Variants in NUP210L observed in about 807,000 individuals in gnomAD.
NUP210L encodes nuclear pore membrane glycoprotein 210-like.
A neutral mutation model predicts 208.5 loss-of-function variants in NUP210L; 74 were observed. The observed-to-expected ratio is 0.35, with a 90% CI of 0.29 to 0.43. The LOEUF (loss-of-function observed/expected upper bound fraction) is 0.43, where lower values mean the gene tolerates loss of function less well. NUP210L is among the 20% of genes least tolerant of loss of function. The probability of loss-of-function intolerance (pLI) is 1.00; values close to 1 mark genes in which losing one functional copy is unlikely to be tolerated. For synonymous variants in NUP210L, 780 were observed against 816.9 expected (o/e 0.95, Z 0.77); for missense variants, 1,843 against 2,289.4 (o/e 0.81, Z 3.98).
chr1:154,060,600 G>A, exon 20 of NUP210L: 1 of 1,613,450 alleles, frequency 6.2e-7, no homozygotes, highest in South Asian at 1.1e-5. Flanking sequence ...CACTGCTGTT[G>A]ACTAAAAAAT....
intron 33 of NUP210L, among the ~76,000 whole-genome samples, chr1:154,014,107 T>C (rs1651113587): frequency 6.6e-6 from 1 of 152,154 alleles, no homozygotes; most frequent in Non-Finnish European, 1.5e-5. Flanking sequence ...TACATTCTCC[T>C]TAGTATTACC....
intron 35 of NUP210L, among the ~76,000 whole-genome samples, chr1:154,007,101 T>C (rs1003204162): frequency 1.3e-5 from 2 of 149,736 alleles, no homozygotes; most frequent in African/African-American, 2.5e-5. Flanking sequence ...TAGCTGGGAT[T>C]ACAGGCGCCC....
chr1:154,117,970 C>T, intron 11 of NUP210L, 90 bp from the exon 12 acceptor site: 1 of 872,962 alleles, frequency 1.1e-6, no homozygotes, highest in Admixed American at 2.3e-5. Context: ...ATAAAGTTTA[C>T]AAAATAGTAA....
chr1:154,143,640 A>G, intron 2 of NUP210L, 63 bp from the exon 3 acceptor site: 2 of 1,395,630 alleles, frequency 1.4e-6, no homozygotes, highest in Non-Finnish European at 2.0e-6. Flanking sequence ...AAATGTCTCA[A>G]ATACTCAAAA....
chr1:154,031,071 C>T (rs1351769681), intron 27 of NUP210L, among the ~76,000 whole-genome samples: 2 of 151,986 alleles, frequency 1.3e-5, no homozygotes, highest in Non-Finnish European at 1.5e-5. Context: ...CTGTTACAGA[C>T]ACAATTATAC....
In NUP210L at chr1:154,035,484, A is replaced by G. The variant is rs189000123; in HGVS notation, c.3697-5430T>C. ...GCGATCTTGGATCACTGCAACCTCC[A>G]CCTCCCGGGTTCAAGCGATTCTCCT... is the stretch of plus-strand genomic sequence containing the variant. On this transcript the variant is annotated intron_variant, in intron 27 of 39. Coordinates refer to ENST00000368559, the Ensembl canonical transcript of NUP210L. Among the ~76,000 whole-genome samples the G allele has an allele frequency of 1.1e-3, 158 of 141,990 alleles. 1 individual carries two copies. Among genetic ancestry groups the G allele is most frequent in the East Asian group, 9.3e-3 (44 of 4,726 alleles). 93.2% of individuals were successfully genotyped at this position (141,990 alleles called of 152,430 possible).
At chr1:154,089,633 G>A in intron 15 of NUP210L, 39 bp from the exon 16 acceptor site, 1 of 1,517,618 alleles carries the variant, frequency 6.6e-7, no homozygotes, top group Non-Finnish European at 9.1e-7. Flanking sequence ...ATTGTGGGTA[G>A]ATACTTGATG....
intron 37 of NUP210L, among the ~76,000 whole-genome samples, chr1:154,000,036 C>T (rs902540191): frequency 2.8e-4 from 43 of 151,860 alleles, no homozygotes; most frequent in African/African-American, 9.7e-4. Context: ...TTGCCTTGTT[C>T]CCCAGGCTGG....
intron 14 of NUP210L, among the ~76,000 whole-genome samples, chr1:154,097,352 C>T (rs1339289392): frequency 1.3e-5 from 2 of 152,084 alleles, no homozygotes; most frequent in Non-Finnish European, 1.5e-5. Context: ...GACTAACATA[C>T]TAGGTAGAAA....
At chr1:154,140,533 G>A (rs1658796051) in intron 4 of NUP210L, among the ~76,000 whole-genome samples, 1 of 151,150 alleles carries the variant, frequency 6.6e-6, no homozygotes, top group Admixed American at 6.6e-5. Flanking sequence ...TGGGCGTGGT[G>A]GCAGGCACCT....
chr1:154,030,096 A>G, intron 27 of NUP210L, 42 bp from the exon 28 acceptor site: 2 of 1,362,706 alleles, frequency 1.5e-6, no homozygotes, highest in Non-Finnish European at 2.0e-6. Context: ...TCATCAATAA[A>G]CATGGTGTCC....
At chr1:154,022,083 A>G in intron 32 of NUP210L, 43 bp downstream of exon 32, 1 of 1,483,262 alleles carries the variant, frequency 6.7e-7, no homozygotes, top group Non-Finnish European at 9.4e-7. Flanking sequence ...TTTAATCCCC[A>G]CAACTATCAA....
At chr1:154,154,487 A>T (rs779880990) in intron 1 of NUP210L, among the ~76,000 whole-genome samples, 11 of 152,098 alleles carry the variant, frequency 7.2e-5, no homozygotes, top group Non-Finnish European at 1.2e-4. Flanking sequence ...TTTACATTGG[A>T]AGTCATCAGT....
At chr1:154,022,022 A>T in intron 32 of NUP210L, 104 bp downstream of exon 32, 1 of 1,041,270 alleles carries the variant, frequency 9.6e-7, no homozygotes, top group Non-Finnish European at 1.5e-6. Flanking sequence ...GGTATAAACC[A>T]CTATACCAGT....
At chr1:154,131,422 C>T (rs1479433027) in intron 7 of NUP210L, among the ~76,000 whole-genome samples, 1 of 152,074 alleles carries the variant, frequency 6.6e-6, no homozygotes, top group African/African-American at 2.4e-5. Context: ...AGATCTAAGC[C>T]TTCCATCTGC....
intron 35 of NUP210L, among the ~76,000 whole-genome samples, chr1:154,002,224 C>G (rs1268862735): frequency 6.6e-6 from 1 of 151,868 alleles, no homozygotes; most frequent in East Asian, 1.9e-4. Flanking sequence ...ACCATTCTTT[C>G]TTTTTTTTGG....
chr1:154,124,977 C>T (rs1420000766), intron 10 of NUP210L, among the ~76,000 whole-genome samples: 1 of 151,366 alleles, frequency 6.6e-6, no homozygotes, highest in Non-Finnish European at 1.5e-5. Flanking sequence ...AAAGTACGCT[C>T]TGTGGACCTG....
At chr1:154,018,147 T>G (rs1195384732) in intron 33 of NUP210L, among the ~76,000 whole-genome samples, 3 of 152,016 alleles carry the variant, frequency 2.0e-5, no homozygotes, top group Non-Finnish European at 2.9e-5. Context: ...AATTTTTGTA[T>G]TTTTAGTAGT....
chr1:154,046,930 T>C (rs764077349), intron 25 of NUP210L, among the ~76,000 whole-genome samples: 2 of 152,132 alleles, frequency 1.3e-5, no homozygotes, highest in Non-Finnish European at 2.9e-5. Flanking sequence ...TGGTGGCATG[T>C]GCCTGTAGTC....
Sources: allele counts gnomAD v4.1 joint callset (sites outside exome capture counted in the v4.1 genomes callset), GRCh38; gene constraint gnomAD v4.1.1; transcripts MANE v1.5; gene names NCBI Gene and HGNC (gene_info 2026-07-23, HGNC 2026-07-21).